The following PKNOX2 variants were observed in gnomAD, a reference collection of about 807,000 sequenced individuals.
The protein encoded by PKNOX2 is PBX/knotted 1 homeobox 2.
In PKNOX2, 14 loss-of-function variants were observed where a neutral mutation model predicts 53.1. That is an observed-to-expected ratio of 0.26 (90% CI 0.17 to 0.41). PKNOX2 has a LOEUF of 0.41. Among genes scored for constraint, PKNOX2 ranks in the 10% least tolerant of loss-of-function variants. The probability of loss-of-function intolerance (pLI) is 1.00; values close to 1 mark genes in which losing one functional copy is unlikely to be tolerated. For missense variants in PKNOX2, 496 were observed against 602.8 expected (o/e 0.82, Z 1.85); for synonymous variants, 257 against 242.8 (o/e 1.06, Z -0.54).
intron 3 of PKNOX2, among the ~76,000 whole-genome samples, chr11:125,333,543 C>CAT (rs1449374794): frequency 5.7e-5 from 8 of 140,066 alleles, no homozygotes; most frequent in African/African-American, 2.3e-4. Context: ...AAGACACACA[C>CAT]ACACATACAC....
At chr11:125,323,855 T>TTGTG (rs57415781) in intron 2 of PKNOX2, among the ~76,000 whole-genome samples, 8,064 of 149,860 alleles carry the variant, frequency 0.054, 285 homozygotes, top group African/African-American at 0.1. Flanking sequence ...GTTTCTGGGG[T>TTGTG]TGTGTGTGTG....
chr11:125,262,196 CAGTG>C (rs1282610647), intron 2 of PKNOX2, among the ~76,000 whole-genome samples: 1 of 152,130 alleles, frequency 6.6e-6, no homozygotes, highest in South Asian at 2.1e-4. Context: ...AGGGGCCAGA[CAGTG>C]AGACAGTGGA....
rs1591486904 is a variant in PKNOX2 at position 125,224,581 on chromosome 11, C to T, written c.-200-10464C>T. 2.6e-5 allele frequency among the ~76,000 whole-genome samples: 4 copies of T among 152,198 alleles called. No individual in the cohort carries two copies. The South Asian group carries it at 6.2e-4, about 24-fold the overall frequency. ...CCTCAGAAAGGCAGTTTTCCTACTCCGTTTGTTCTCAGATTGGTGTTATAC... is the reference window on the plus strand; with the variant it reads ...CCTCAGAAAGGCAGTTTTCCTACTCTGTTTGTTCTCAGATTGGTGTTATAC... On this transcript the variant is annotated intron_variant, in intron 1 of 12. Transcript: ENST00000298282.
At chr11:125,343,682 C>A (rs2136168524) in intron 3 of PKNOX2, among the ~76,000 whole-genome samples, 1 of 152,298 alleles carries the variant, frequency 6.6e-6, no homozygotes, top group Middle Eastern at 3.4e-3. Flanking sequence ...AATATATCAG[C>A]AGCTTTTTGA....
chr11:125,368,314 CTGT>C (rs1952307582), intron 5 of PKNOX2, among the ~76,000 whole-genome samples: 1 of 152,190 alleles, frequency 6.6e-6, no homozygotes, highest in Non-Finnish European at 1.5e-5. Context: ...GCCCTGTGTC[CTGT>C]TGTTGCTTTC....
intron 4 of PKNOX2, among the ~76,000 whole-genome samples, chr11:125,360,685 A>G (rs112387887): frequency 0.037 from 5,569 of 152,264 alleles, 339 homozygotes; most frequent in African/African-American, 0.13. Flanking sequence ...TAGGACCCCC[A>G]GGGCAGCCCA....
At chr11:125,283,336 G>T (rs1467705201) in intron 2 of PKNOX2, among the ~76,000 whole-genome samples, 1 of 152,172 alleles carries the variant, frequency 6.6e-6, no homozygotes, top group Non-Finnish European at 1.5e-5. Flanking sequence ...ATGGAGGTTG[G>T]GGTCAAGACA....
rs757454500 is a variant in PKNOX2, at chr11:125,410,893, GTGTGCACA to G, written c.816+24_816+31del. 6.2e-7 allele frequency: 1 copy of G among 1,601,062 alleles called. No homozygotes were observed. The highest frequency in any genetic ancestry group is 1.1e-5 in the South Asian group (1 of 90,780). On this transcript the variant is annotated intron_variant, in intron 9 of 12. Coordinates refer to ENST00000298282, the MANE Select transcript of PKNOX2 (RefSeq NM_001382323.2). ...AACACACAGGTGAGTGTGTGTAGGT[GTGTGCACA>G]TGTGCATGGTGTGGGCTAGGGCACC...
intron 2 of PKNOX2, among the ~76,000 whole-genome samples, chr11:125,310,887 G>A (rs183313822): frequency 3.1e-4 from 47 of 152,008 alleles, no homozygotes; most frequent in Middle Eastern, 3.4e-3. Context: ...GAGTTCAATC[G>A]TTTGCTTTCC....
intron 4 of PKNOX2, 149 bp downstream of exon 4, chr11:125,351,541 C>T (rs981929920): frequency 5.1e-5 from 32 of 623,562 alleles, no homozygotes; most frequent in Admixed American, 4.1e-4. Context: ...GGCTCTTTCC[C>T]GTCAGCCTGG....
intron 5 of PKNOX2, among the ~76,000 whole-genome samples, chr11:125,375,527 G>T (rs1439244259): frequency 1.3e-5 from 2 of 152,230 alleles, no homozygotes; most frequent in African/African-American, 4.8e-5. Flanking sequence ...TTACTGCATA[G>T]CCTGATGCGG....
rs545598189 is a variant in PKNOX2, at chr11:125,265,104, C to A, written c.-130+29989C>A. ...AAGATTGAGACCATCCTGGCTAACA[C>A]GGTGAAACCCCATCTCTACTAAAAA... On this transcript the variant is annotated intron_variant, in intron 2 of 12. Coordinates refer to ENST00000298282, the MANE Select transcript of PKNOX2 (RefSeq NM_001382323.2). Among the ~76,000 whole-genome samples, 4 of 152,154 alleles carry A rather than the reference C, an allele frequency of 2.6e-5. No individual in the cohort carries two copies. In the South Asian group the frequency reaches 8.3e-4, roughly 32 times the overall value.
intron 2 of PKNOX2, among the ~76,000 whole-genome samples, chr11:125,327,377 T>C (rs925251209): frequency 9.2e-5 from 14 of 152,200 alleles, no homozygotes; most frequent in African/African-American, 3.4e-4. Context: ...ATCTTCAGTG[T>C]GAAGCTCTTG....
chr11:125,280,437 G>A (rs1290932110), intron 2 of PKNOX2, among the ~76,000 whole-genome samples: 3 of 152,102 alleles, frequency 2.0e-5, no homozygotes, highest in Non-Finnish European at 4.4e-5. Context: ...GCAAGGAGAG[G>A]CTGCACCTTC....
rs538787205 is a variant in PKNOX2 at position 125,165,146 on chromosome 11, CCCGCCGCCG to C, written c.-201+385_-201+393del. Among the ~76,000 whole-genome samples the C allele has an allele frequency of 3.4e-5, 5 of 147,780 alleles. No individual in the cohort carries two copies. The highest frequency in any genetic ancestry group is 7.3e-5 in the African/African-American group (3 of 40,920). On this transcript the variant is annotated intron_variant, in intron 1 of 12. Transcript: ENST00000298282. This position sits in a 1 kb window ranked among gnomAD's most constrained non-coding sequence, Gnocchi z 4.5. ...CTCCCCTGCCCGGCCAGCGCTCAGC[CCCGCCGCCG>C]CCGCCGCCGCCGCCTCGCCGCGCTT...
At chr11:125,367,735 C>T (rs893569070) in intron 4 of PKNOX2, 111 bp from the exon 5 acceptor site, 2 of 1,200,414 alleles carry the variant, frequency 1.7e-6, no homozygotes, top group African/African-American at 3.1e-5. Context: ...TTCTCTTGGC[C>T]TCTTGCTCTC....
Position 125,428,997 on chromosome 11 carries a change from C to T in PKNOX2, c.937-15C>T. On this transcript the variant is annotated splice_polypyrimidine_tract_variant and intron_variant, in intron 10 of 12. Transcript: ENST00000298282. ...CATATGCCCAGCCCTCACTAGTCTC[C>T]ACCTCTCGTTTCAGCACCCCTACCC... The T allele has an allele frequency of 3.1e-6, 5 of 1,608,852 alleles. No homozygotes were observed. The highest frequency in any genetic ancestry group is 4.3e-6 in the Non-Finnish European group (5 of 1,175,212).
At chr11:125,402,051 C>T (rs1337579100) in intron 7 of PKNOX2, among the ~76,000 whole-genome samples, 1 of 152,186 alleles carries the variant, frequency 6.6e-6, no homozygotes, top group Non-Finnish European at 1.5e-5. Context: ...CTCCCAGATG[C>T]TATGCCGTGT....
At chr11:125,337,985 T>A (rs1230569587) in intron 3 of PKNOX2, among the ~76,000 whole-genome samples, 1 of 152,182 alleles carries the variant, frequency 6.6e-6, no homozygotes, top group African/African-American at 2.4e-5. Context: ...TCCCACTGCT[T>A]CCAGAATTGG....
Sources: gnomAD v4.1 joint callset for allele counts (sites outside exome capture counted in the v4.1 genomes callset) on GRCh38, gnomAD v4.1.1 for gene constraint, Gnocchi (gnomAD v3.1) non-coding constraint, MANE v1.5 for transcripts, NCBI Gene and HGNC (gene_info 2026-07-23, HGNC 2026-07-21) for gene names.